Variants in PPTC7 observed in about 807,000 individuals in gnomAD.
The protein encoded by PPTC7 is protein phosphatase PTC7 homolog.
A neutral mutation model predicts 30.8 loss-of-function variants in PPTC7; 6 were observed. The observed-to-expected ratio is 0.19, with a 90% CI of 0.11 to 0.38. The LOEUF is 0.38. PPTC7 is among the 10% of genes least tolerant of loss of function. PPTC7 has a pLI of 1.00. For missense variants in PPTC7, 218 were observed against 404.8 expected, an observed-to-expected ratio of 0.54 and a Z score of 3.96; for synonymous variants, 163 against 168.1, an observed-to-expected ratio of 0.97 and a Z score of 0.23.
At chr12:110,562,401 C>T (rs914722869) in intron 1 of PPTC7, among the ~76,000 whole-genome samples, 2 of 150,626 alleles carry the variant, frequency 1.3e-5, no homozygotes, top group Admixed American at 1.3e-4. Flanking sequence ...ATGTCATGTG[C>T]TTTTTGACTA....
chr12:110,555,936 A>G (rs1373031625), intron 1 of PPTC7, among the ~76,000 whole-genome samples: 3 of 152,258 alleles, frequency 2.0e-5, no homozygotes, highest in Non-Finnish European at 4.4e-5. Context: ...CTGATGAATC[A>G]TTCATTCTTT....
intron 2 of PPTC7, among the ~76,000 whole-genome samples, chr12:110,551,002 C>T (rs1319911385): frequency 1.3e-5 from 2 of 152,156 alleles, no homozygotes; most frequent in Non-Finnish European, 2.9e-5. Flanking sequence ...TGGAATCAGA[C>T]TGTCAGGTGG....
At chr12:110,568,658 G>A (rs549464531) in intron 1 of PPTC7, among the ~76,000 whole-genome samples, 5 of 152,198 alleles carry the variant, frequency 3.3e-5, no homozygotes, top group Non-Finnish European at 2.9e-5. Context: ...TAAAACAACT[G>A]TCAGGGACTA....
rs2064303661 is a variant in PPTC7, at chr12:110,546,082, G to A, written c.404-4C>T. 1.2e-6 allele frequency: 2 copies of A among 1,612,098 alleles called. No homozygotes were observed. Among genetic ancestry groups the A allele is most frequent in the Non-Finnish European group, 1.7e-6 (2 of 1,178,822 alleles). On this transcript the variant is annotated splice_polypyrimidine_tract_variant and splice_region_variant and intron_variant, in intron 2 of 5. Transcript: ENST00000354300. ...ACAATGCAGGCGGTGCTGCTACCTA[G>A]AAACAAAAATCATCTCCATTTATTT...
At chr12:110,581,413 G>GAA (rs796539590) in intron 1 of PPTC7, among the ~76,000 whole-genome samples, 2 of 143,966 alleles carry the variant, frequency 1.4e-5, no homozygotes, top group African/African-American at 2.5e-5. Flanking sequence ...GACTCCGTCT[G>GAA]AAAAAAAAAA....
intron 1 of PPTC7, among the ~76,000 whole-genome samples, chr12:110,559,413 T>C (rs531119630): frequency 2.7e-5 from 3 of 111,908 alleles, no homozygotes; most frequent in African/African-American, 1.1e-4. Flanking sequence ...AAGAAAAAAA[T>C]TTTTTTTTTT....
chr12:110,538,439 A>G (rs2064234393), intron 4 of PPTC7, among the ~76,000 whole-genome samples, 166 bp from the exon 5 acceptor site: 1 of 152,224 alleles, frequency 6.6e-6, no homozygotes, highest in South Asian at 2.1e-4. Context: ...ACAAGGTATC[A>G]ATCAGAAAGT....
At chr12:110,555,987 T>C (rs1293004037) in intron 1 of PPTC7, among the ~76,000 whole-genome samples, 1 of 152,172 alleles carries the variant, frequency 6.6e-6, no homozygotes, top group Non-Finnish European at 1.5e-5. Flanking sequence ...TCTTCTTAAG[T>C]AGTCTCTGGT....
Position 110,536,939 on chromosome 12 carries a change from G to A in PPTC7, c.*98C>T. On this transcript the variant is annotated 3_prime_UTR_variant, in exon 6 of 6. Transcript: ENST00000354300. ...AAAGACTTACATCACTGGCCATTGA[G>A]ATCAGTGGCAAAGAAATGTGGTCCT... The A allele has an allele frequency of 1.2e-6, 1 of 869,362 alleles. No individual in the cohort carries two copies. 53.9% of individuals were successfully genotyped at this position (869,362 alleles called of 1,614,324 possible).
intron 1 of PPTC7, among the ~76,000 whole-genome samples, chr12:110,553,585 C>T (rs765761775): frequency 6.6e-6 from 1 of 152,086 alleles, no homozygotes; most frequent in Non-Finnish European, 1.5e-5. Context: ...TCAAGACCTG[C>T]TTGGACAACA....
rs539542512 is a variant in PPTC7 at position 110,534,592 on chromosome 12, A to AC, written c.*2444dup. 5.9e-5 allele frequency: 9 copies of AC among 151,742 alleles called. No homozygotes were observed. The highest frequency in any genetic ancestry group is 1.0e-4 in the Non-Finnish European group (7 of 67,944). The allele number at this position is 151,742 out of a possible 1,614,324, so 9.4% of individuals were successfully genotyped here. On this transcript the variant is annotated 3_prime_UTR_variant, in exon 6 of 6. Coordinates refer to ENST00000354300, the MANE Select transcript of PPTC7 (RefSeq NM_139283.2). The stretch of plus-strand genomic sequence containing the variant: ...TACTTGTTAAGCAGCACTCCAGCTG[A>AC]CCCCCCCGGCAGTCATAAAATTAAG...
At chr12:110,563,909 A>G (rs2135784284) in intron 1 of PPTC7, among the ~76,000 whole-genome samples, 1 of 152,372 alleles carries the variant, frequency 6.6e-6, no homozygotes, top group East Asian at 1.9e-4. Context: ...GAGGATTAGG[A>G]AACAATTGTG....
chr12:110,579,042 G>A (rs912816611), intron 1 of PPTC7, among the ~76,000 whole-genome samples: 3 of 152,080 alleles, frequency 2.0e-5, no homozygotes, highest in African/African-American at 7.2e-5. Flanking sequence ...CCAGCTACTC[G>A]GAAGGCTGAG....
rs186677347 is a variant in PPTC7 at position 110,540,243 on chromosome 12, T to C, written c.603-298A>G. On this transcript the variant is annotated intron_variant, in intron 3 of 5. Transcript: ENST00000354300. Reference sequence around the variant, plus strand: ...AGGAAGGGTCCTCTTCTGAGTCAGATCTAACACACCTCTAAAATCCTAGTG... The same window carrying C: ...AGGAAGGGTCCTCTTCTGAGTCAGACCTAACACACCTCTAAAATCCTAGTG... 7.5e-4 allele frequency among the ~76,000 whole-genome samples: 114 copies of C among 151,318 alleles called. 1 individual carries two copies. The highest frequency in any genetic ancestry group is 7.0e-3 in the Admixed American group (107 of 15,202).
chr12:110,558,973 GTATT>G (rs1241215707), intron 1 of PPTC7, among the ~76,000 whole-genome samples: 2 of 152,124 alleles, frequency 1.3e-5, no homozygotes, highest in African/African-American at 4.8e-5. Context: ...AATAGTTACA[GTATT>G]TATGTTTTTA....
At chr12:110,538,320 GTAACATTTATC>G in intron 4 of PPTC7, 47 bp from the exon 5 acceptor site, 1 of 1,569,430 alleles carries the variant, frequency 6.4e-7, no homozygotes, top group Non-Finnish European at 8.8e-7. Flanking sequence ...GCTCAAGACA[GTAACATTTATC>G]TAACCACCTT....
At chr12:110,552,522 T>C (rs747883108) in intron 1 of PPTC7, among the ~76,000 whole-genome samples, 18 of 152,326 alleles carry the variant, frequency 1.2e-4, no homozygotes, top group South Asian at 2.1e-4. Context: ...ACATGGTTAC[T>C]GAGCACCCGA....
chr12:110,555,883 T>C (rs1332806754), intron 1 of PPTC7, among the ~76,000 whole-genome samples: 1 of 152,234 alleles, frequency 6.6e-6, no homozygotes, highest in African/African-American at 2.4e-5. Flanking sequence ...CACAACAATT[T>C]ATGTTAAAAC....
In PPTC7 at chr12:110,537,032, C is replaced by G. The variant is rs777642440; in HGVS notation, c.*5G>C. Reference sequence around the variant, plus strand: ...TGAAAGGAAAGGCAGGACTTGACACCTCAGCTAGTCTGTATACTCAGCCAC... The same window carrying G: ...TGAAAGGAAAGGCAGGACTTGACACGTCAGCTAGTCTGTATACTCAGCCAC... On this transcript the variant is annotated 3_prime_UTR_variant, in exon 6 of 6. Transcript: ENST00000354300. The G allele has an allele frequency of 3.1e-6, 5 of 1,610,342 alleles. No homozygotes were observed. The highest frequency in any genetic ancestry group is 1.7e-4 in the Middle Eastern group (1 of 6,058).
Sources: allele counts gnomAD v4.1 joint callset (sites outside exome capture counted in the v4.1 genomes callset), GRCh38; gene constraint gnomAD v4.1.1; transcripts MANE v1.5; gene names NCBI Gene and HGNC (gene_info 2026-07-23, HGNC 2026-07-21).